PDHB: variants seen among roughly 807,000 people sequenced by gnomAD.
The protein encoded by PDHB is pyruvate dehydrogenase E1 subunit beta, also known as pyruvate dehydrogenase E1 component subunit beta, mitochondrial.
A neutral mutation model predicts 42.8 loss-of-function variants in PDHB; 17 were observed. That is an observed-to-expected ratio of 0.40 (90% CI 0.27 to 0.60). The LOEUF (loss-of-function observed/expected upper bound fraction) is 0.60, where lower values mean the gene tolerates loss of function less well. Among genes scored for constraint, PDHB ranks in the 20% least tolerant of loss-of-function variants. The pLI is 0.46. For missense variants in PDHB, 322 were observed against 451.3 expected, an observed-to-expected ratio of 0.71 and a Z score of 2.60; for synonymous variants, 154 against 148.7, an observed-to-expected ratio of 1.04 and a Z score of -0.26.
chr3:58,429,998 G>C, intron 7 of PDHB, 130 bp downstream of exon 7: 1 of 741,284 alleles, frequency 1.3e-6, no homozygotes, highest in South Asian at 1.5e-5. Context: ...AACTGAATGA[G>C]AAATTGGGGC....
At chr3:58,433,469 A>G (rs2062941677) in intron 2 of PDHB, 162 bp downstream of exon 2, 1 of 741,436 alleles carries the variant, frequency 1.3e-6, no homozygotes, top group Non-Finnish European at 2.3e-6. Flanking sequence ...GCTAATTGCC[A>G]GGCGGCGACA....
rs567740260 is a variant in PDHB at position 58,431,520 on chromosome 3, G to C, written c.303+73C>G. 14 of 1,195,870 alleles carry C rather than the reference G, an allele frequency of 1.2e-5. No homozygotes were observed. The Admixed American group carries it at 2.2e-4, about 19-fold the overall frequency. The allele number at this position is 1,195,870 out of a possible 1,614,324, so 74.1% of individuals were successfully genotyped here. ...CACTCCAGGCTGGACAACAGAGTGAGACTCTGTCTCAAAAGAAAAAAAAAG... is the reference window on the plus strand; with the variant it reads ...CACTCCAGGCTGGACAACAGAGTGACACTCTGTCTCAAAAGAAAAAAAAAG... On this transcript the variant is annotated intron_variant, in intron 5 of 9. Transcript: ENST00000302746. This position sits in a 1 kb window ranked among gnomAD's most constrained non-coding sequence, Gnocchi z 4.4.
intron 5 of PDHB, 44 bp from the exon 6 acceptor site, chr3:58,430,986 A>C (rs2062915086): frequency 1.9e-6 from 3 of 1,552,082 alleles, no homozygotes; most frequent in Non-Finnish European, 1.8e-6. Flanking sequence ...TAGAAACAGC[A>C]ACAAACAGTA....
At chr3:58,433,383 GGAGT>G (rs2062940644) in intron 2 of PDHB, 1 of 596,352 alleles carries the variant, frequency 1.7e-6, no homozygotes. Flanking sequence ...AAAAAAACAT[GGAGT>G]GAGGGAGGAA....
chr3:58,428,724 A>T (rs1415346873), intron 8 of PDHB, 110 bp from the exon 9 acceptor site: 1 of 985,258 alleles, frequency 1.0e-6, no homozygotes, highest in Non-Finnish European at 1.6e-6. Flanking sequence ...TATCTAGGAA[A>T]ATCTAATCTG....
Position 58,428,118 on chromosome 3 carries a change from C to A in PDHB, c.996G>T (p.Met332Ile). 6.2e-7 allele frequency: 1 copy of A among 1,612,334 alleles called. No homozygotes were observed. The highest frequency in any genetic ancestry group is 8.5e-7 in the Non-Finnish European group (1 of 1,178,336). The change falls in exon 10 of 10, where the codon ATG becomes ATT. Residue 332 changes from methionine to isoleucine, a missense_variant. Physicochemically the swap from Met to Ile is conservative, Grantham distance 10 (BLOSUM62 1). This residue lies in a region of PDHB where 208 missense variants were observed against 285.0 expected (regional missense o/e 0.73). Transcript: ENST00000302746. Reference protein sequence around the residue: ...AVRVTGADVPMPYAKILEDNS... With the variant: ...AVRVTGADVPIPYAKILEDNS... ...TGTCCTCTAGAATCTTTGCATAAGG[C>A]ATAGGGACATCAGCACCAGTGACAC...
At chr3:58,433,442 T>C (rs2062941082) in intron 2 of PDHB, 189 bp downstream of exon 2, 1 of 640,686 alleles carries the variant, frequency 1.6e-6, no homozygotes, top group Admixed American at 2.5e-5. Context: ...AGCTGTGAGG[T>C]GGTGACTCGC....
At chr3:58,429,926 G>A (rs759712005) in intron 7 of PDHB, 127 bp from the exon 8 acceptor site, 110 of 750,818 alleles carry the variant, frequency 1.5e-4, no homozygotes, top group Non-Finnish European at 2.4e-4. Flanking sequence ...GTGAGCTGAG[G>A]AATGTGGCAG....
chr3:58,433,589 G>C (rs780834096), intron 2 of PDHB, 42 bp downstream of exon 2: 10 of 1,579,960 alleles, frequency 6.3e-6, no homozygotes, highest in East Asian at 2.3e-5. Flanking sequence ...GAGAAGGGGG[G>C]ACCCTCCCCG....
chr3:58,432,290 A>G, intron 2 of PDHB: 1 of 406,764 alleles, frequency 2.5e-6, no homozygotes. Flanking sequence ...GAAGGAGAGG[A>G]GAATTAACAT....
chr3:58,429,759 G>A lies in PDHB; in HGVS notation c.741C>T (p.Gly247=). 6.2e-7 allele frequency: 1 copy of A among 1,612,226 alleles called. No homozygotes were observed. The highest frequency in any genetic ancestry group is 8.5e-7 in the Non-Finnish European group (1 of 1,178,270). ...ITVVSHSRPV[G]HCLEAAAVLS... is the part of the protein sequence containing the mutation. The stretch of plus-strand genomic sequence containing the variant: ...GCACTGCTGCAGCTTCTAAGCAGTG[G>A]CCCACAGGTCTTGAATGGGAAACCA... The change falls in exon 8 of 10, where the codon GGC becomes GGT. Residue 247 remains glycine, a synonymous_variant. Transcript: ENST00000302746.
rs1209014419 is a variant in PDHB, at chr3:58,431,445, G to A, written c.303+148C>T. 1.5e-5 allele frequency: 11 copies of A among 725,024 alleles called. No individual in the cohort carries two copies. Among genetic ancestry groups the A allele is most frequent in the Non-Finnish European group, 2.4e-5 (10 of 408,678 alleles). 44.9% of individuals were successfully genotyped at this position (725,024 alleles called of 1,614,324 possible). A position where few individuals can be genotyped will look rare whatever the true frequency, so the allele number is the denominator to read the frequency against. ...GACCTGTAACCCCAGCCACTATGGA[G>A]GCTGAGGCAGGAGAATTGCTTGAAC... On this transcript the variant is annotated intron_variant, in intron 5 of 9. Coordinates refer to ENST00000302746, the MANE Select transcript of PDHB (RefSeq NM_000925.4). The surrounding 1 kb of genome is among the most constrained non-coding windows in gnomAD (Gnocchi z 4.4).
chr3:58,431,839 G>A lies in PDHB; in HGVS notation c.204+38C>T, dbSNP rs765078544. ...CTTAAGTGTATCTGGGGGTAACAGTGACCTCAATTTTGTATAACTTTCATA... is the reference window on the plus strand; with the variant it reads ...CTTAAGTGTATCTGGGGGTAACAGTAACCTCAATTTTGTATAACTTTCATA... On this transcript the variant is annotated intron_variant, in intron 3 of 9. Coordinates refer to ENST00000302746, the MANE Select transcript of PDHB (RefSeq NM_000925.4). The surrounding 1 kb of genome is among the most constrained non-coding windows in gnomAD (Gnocchi z 4.4). 1.9e-6 allele frequency: 3 copies of A among 1,605,374 alleles called. No individual in the cohort carries two copies. The highest frequency in any genetic ancestry group is 1.7e-5 in the Admixed American group (1 of 60,002).
chr3:58,428,660 A>C, intron 8 of PDHB, 46 bp from the exon 9 acceptor site: 1 of 1,504,724 alleles, frequency 6.6e-7, no homozygotes, highest in South Asian at 1.1e-5. Context: ...TGCAGCACAA[A>C]TAGAGCCTTA....
chr3:58,428,038 A>G lies in PDHB; in HGVS notation c.1076T>C (p.Ile359Thr), dbSNP rs1215812751. 1 of 1,604,118 alleles carries G rather than the reference A, an allele frequency of 6.2e-7. No homozygotes were observed. Among genetic ancestry groups the G allele is most frequent in the Non-Finnish European group, 8.5e-7 (1 of 1,171,050 alleles). The change falls in exon 10 of 10, where the codon ATT (isoleucine) becomes ACT (threonine). Residue 359 changes from isoleucine to threonine, a missense_variant. By Grantham distance (89) the Ile-to-Thr change is moderately conservative. This residue lies in a region of PDHB where 208 missense variants were observed against 285.0 expected (regional missense o/e 0.73). Transcript: ENST00000302746. Reference protein sequence around the residue: ...IIFAIKKTLNI With the variant: ...IIFAIKKTLNT Reference sequence around the variant, plus strand: ...GACTTGATATTCAAGTCCAAACTAAATATTTAATGTTTTCTTTATTGCAAA... The same window carrying G: ...GACTTGATATTCAAGTCCAAACTAAGTATTTAATGTTTTCTTTATTGCAAA...
chr3:58,428,147 CA>C lies in PDHB; in HGVS notation c.966del (p.Val323PhefsTer16). 6.2e-7 allele frequency: 1 copy of C among 1,613,978 alleles called. No individual in the cohort carries two copies. The highest frequency in any genetic ancestry group is 8.5e-7 in the Non-Finnish European group (1 of 1,179,842). On this transcript the variant is annotated frameshift_variant, in exon 10 of 10. Coordinates refer to ENST00000302746, the MANE Select transcript of PDHB (RefSeq NM_000925.4). LOFTEE classifies it high-confidence loss of function. ...GPAFNFLDAPAVRVTGADVPM... is the reference protein window; with the variant it reads ...GPAFNFLDAPXVRVTGADVPM... ...GGGACATCAGCACCAGTGACACGAA[CA>C]GCAGGAGCATCCAGGAAATTGAACG...
Position 58,428,601 on chromosome 3 carries a change from C to A in PDHB, c.806G>T (p.Arg269Leu). Residue 269 changes from arginine to leucine, a missense_variant, in exon 9 of 10, where the codon CGT (arginine) becomes CTT (leucine). Coordinates refer to ENST00000302746, the MANE Select transcript of PDHB (RefSeq NM_000925.4). Reference protein sequence around the residue: ...EGVECEVINMRTIRPMDMETI... With the variant: ...EGVECEVINMLTIRPMDMETI... ...TTCCATGTCCATTGGTCTAATGGTA[C>A]GCATATTTATCACCTAAACAGGTAA... 6.2e-7 allele frequency: 1 copy of A among 1,612,654 alleles called. No individual in the cohort carries two copies. Among genetic ancestry groups the A allele is most frequent in the Non-Finnish European group, 8.5e-7 (1 of 1,178,710 alleles).
intron 2 of PDHB, chr3:58,433,273 G>T (rs2062939790): frequency 4.9e-6 from 2 of 410,346 alleles, no homozygotes; most frequent in Non-Finnish European, 8.9e-6. Context: ...ATGGATGGTG[G>T]TTAATGGTTG....
chr3:58,428,052 C>T lies in PDHB; in HGVS notation c.1062G>A (p.Lys354=). 16 of 1,608,094 alleles carry T rather than the reference C, an allele frequency of 9.9e-6. No homozygotes were observed. Among genetic ancestry groups the T allele is most frequent in the Non-Finnish European group, 1.4e-5 (16 of 1,174,502 alleles). The stretch of plus-strand genomic sequence containing the variant: ...GTCCAAACTAAATATTTAATGTTTT[C>T]TTTATTGCAAATATGATGTCTTTGA... ...PQVKDIIFAI[K]KTLNI The change falls in exon 10 of 10, where the codon AAG becomes AAA. Residue 354 remains lysine (K), a synonymous_variant. Transcript: ENST00000302746.
Sources: allele counts gnomAD v4.1 joint callset, GRCh38; gene constraint gnomAD v4.1.1; regional missense constraint gnomAD v4.1.1; non-coding constraint Gnocchi (gnomAD v3.1); transcripts MANE v1.5; gene names NCBI Gene and HGNC (gene_info 2026-07-23, HGNC 2026-07-21).